Variants in MGA observed in about 807,000 individuals in gnomAD.
MGA encodes the protein MAX gene-associated protein.
A neutral mutation model predicts 261.1 loss-of-function variants in MGA; 40 were observed. That is an observed-to-expected ratio of 0.15 (90% CI 0.12 to 0.20). The LOEUF (loss-of-function observed/expected upper bound fraction) is 0.20. Among genes scored for constraint, MGA ranks in the 10% least tolerant of loss-of-function variants. The pLI is 1.00. For synonymous variants in MGA, 1,302 were observed against 1,290.6 expected (o/e 1.01, Z -0.19); for missense variants, 3,397 against 3,630.5 (o/e 0.94, Z 1.65).
rs753015602 is a variant in MGA at position 41,669,765 on chromosome 15, C to G, written c.871C>G (p.Arg291Gly). The G allele has an allele frequency of 1.2e-6, 2 of 1,613,854 alleles. No individual in the cohort carries two copies. The highest frequency in any genetic ancestry group is 1.7e-6 in the Non-Finnish European group (2 of 1,179,830). ...TAATATTTCCAGTTCTTCTGGTCAT[C>G]GGGTCCGTCTTACAGAAGGTCAGGG... The change falls in exon 2 of 24, where the codon CGG becomes GGG. Residue 291 changes from arginine (R) to glycine (G), a missense_variant. Arg to Gly is a moderately radical substitution (Grantham distance 125). Transcript: ENST00000219905.
intron 1 of MGA, among the ~76,000 whole-genome samples, chr15:41,637,697 C>T (rs2056737913): frequency 6.6e-6 from 1 of 151,712 alleles, no homozygotes; most frequent in Non-Finnish European, 1.5e-5. Context: ...TGGATATATG[C>T]TAGAAGGAAC....
intron 2 of MGA, among the ~76,000 whole-genome samples, chr15:41,693,982 A>G (rs1185755986): frequency 6.6e-6 from 1 of 152,158 alleles, no homozygotes; most frequent in Non-Finnish European, 1.5e-5. Context: ...CAAGAAATCT[A>G]AGAAAATATT....
chr15:41,687,041 T>C (rs1350878798), intron 2 of MGA, among the ~76,000 whole-genome samples: 2 of 152,198 alleles, frequency 1.3e-5, no homozygotes, highest in South Asian at 2.1e-4. Context: ...GTTTTTTTTT[T>C]CATTATGTAT....
At chr15:41,682,117 A>G (rs2058713738) in intron 2 of MGA, among the ~76,000 whole-genome samples, 2 of 151,958 alleles carry the variant, frequency 1.3e-5, no homozygotes. Context: ...AGGTTTCTCC[A>G]TGTTGGTTAG....
At chr15:41,668,011 C>T (rs2057851532) in intron 1 of MGA, among the ~76,000 whole-genome samples, 2 of 151,864 alleles carry the variant, frequency 1.3e-5, no homozygotes, top group South Asian at 4.2e-4. Flanking sequence ...GCCATGTTGG[C>T]CAGGCTAGTC....
intron 1 of MGA, among the ~76,000 whole-genome samples, chr15:41,665,669 C>T (rs1443491753): frequency 6.6e-6 from 1 of 152,044 alleles, no homozygotes; most frequent in African/African-American, 2.4e-5. Context: ...TGGCCGGCCT[C>T]ATTTCTTTAT....
intron 1 of MGA, among the ~76,000 whole-genome samples, chr15:41,663,575 A>G (rs932481607): frequency 2.6e-5 from 4 of 151,328 alleles, no homozygotes; most frequent in African/African-American, 9.7e-5. Flanking sequence ...GCTCATTGCA[A>G]CCTCCTGCCT....
chr15:41,720,235 C>G (rs2060868599), intron 9 of MGA, among the ~76,000 whole-genome samples: 1 of 152,058 alleles, frequency 6.6e-6, no homozygotes. Flanking sequence ...ACAAGTAGAA[C>G]AGAATAGAGA....
intron 2 of MGA, 150 bp from the exon 3 acceptor site, chr15:41,695,925 A>G (rs545423018): frequency 6.6e-5 from 40 of 605,682 alleles, no homozygotes; most frequent in Non-Finnish European, 1.1e-4. Context: ...CACCGTGTGG[A>G]TTTTTAGAGT....
chr15:41,711,413 G>C, intron 8 of MGA, 64 bp downstream of exon 8: 1 of 1,461,010 alleles, frequency 6.8e-7, no homozygotes, highest in South Asian at 1.4e-5. Flanking sequence ...GGTTAGTGAG[G>C]GGAAATGGGA....
chr15:41,625,766 G>A (rs2056435676), intron 1 of MGA, among the ~76,000 whole-genome samples: 1 of 152,028 alleles, frequency 6.6e-6, no homozygotes, highest in South Asian at 2.1e-4. Flanking sequence ...ATAGAGGGGG[G>A]TACTTTGTAC....
chr15:41,686,251 G>A lies in MGA; in HGVS notation c.1065-9824G>A, dbSNP rs183862490. Among the ~76,000 whole-genome samples, 609 of 152,112 alleles carry A rather than the reference G, an allele frequency of 4.0e-3. 5 individuals carry two copies. Among genetic ancestry groups the A allele is most frequent in the African/African-American group, 0.014 (579 of 41,496 alleles). ...TTTGAGGCAGGGTGTGGTGGCTCAC[G>A]CCTTTAATTCCAGCACTTTGGGAGG... On this transcript the variant is annotated intron_variant, in intron 2 of 23. Transcript: ENST00000219905.
At chr15:41,694,761 C>G (rs1404155597) in intron 2 of MGA, among the ~76,000 whole-genome samples, 2 of 152,142 alleles carry the variant, frequency 1.3e-5, no homozygotes, top group Non-Finnish European at 2.9e-5. Context: ...ATCCACCTGC[C>G]TCGGCCTCCC....
At chr15:41,697,605 C>T (rs1283365339) in intron 3 of MGA, among the ~76,000 whole-genome samples, 4 of 151,968 alleles carry the variant, frequency 2.6e-5, no homozygotes, top group African/African-American at 4.8e-5. Flanking sequence ...TTGGTAGAGA[C>T]GGGGTTTTGC....
intron 1 of MGA, among the ~76,000 whole-genome samples, chr15:41,648,358 C>T (rs2150691155): frequency 6.6e-6 from 1 of 152,284 alleles, no homozygotes; most frequent in East Asian, 1.9e-4. Flanking sequence ...TCATCATCAG[C>T]CTGCTTCACT....
At chr15:41,723,261 A>G (rs148594682) in intron 9 of MGA, among the ~76,000 whole-genome samples, 1 of 152,244 alleles carries the variant, frequency 6.6e-6, no homozygotes, top group African/African-American at 2.4e-5. Context: ...CTTGGATCCC[A>G]GGCTGTATAA....
chr15:41,754,397 C>G (rs2063023426), intron 17 of MGA, 40 bp from the exon 18 acceptor site: 7 of 1,480,564 alleles, frequency 4.7e-6, no homozygotes, highest in Non-Finnish European at 6.3e-6. Flanking sequence ...GTGTGCTTGC[C>G]ACTCAATACA....
At chr15:41,695,072 C>T (rs1218849201) in intron 2 of MGA, among the ~76,000 whole-genome samples, 1 of 152,118 alleles carries the variant, frequency 6.6e-6, no homozygotes, top group Non-Finnish European at 1.5e-5. Flanking sequence ...TCCTGCTTTC[C>T]TGTGCTGCTA....
At chr15:41,683,919 A>T (rs879559033) in intron 2 of MGA, among the ~76,000 whole-genome samples, 119 of 151,046 alleles carry the variant, frequency 7.9e-4, no homozygotes, top group African/African-American at 2.6e-3. Flanking sequence ...TCCTTTTTTT[A>T]AAAAAAATTA....
Sources: allele counts gnomAD v4.1 joint callset (sites outside exome capture counted in the v4.1 genomes callset), GRCh38; gene constraint gnomAD v4.1.1; transcripts MANE v1.5; gene names NCBI Gene and HGNC (gene_info 2026-07-23, HGNC 2026-07-21).